Variants in SMYD2 observed in about 807,000 individuals in gnomAD.
The protein encoded by SMYD2 is N-lysine methyltransferase SMYD2.
A neutral mutation model predicts 59.1 loss-of-function variants in SMYD2; 53 were observed. The observed-to-expected ratio is 0.90, with a 90% CI of 0.72 to 1.13. SMYD2 has a LOEUF of 1.13. Among genes scored for constraint, SMYD2 ranks in the 50% most tolerant of loss-of-function variants. The pLI, the probability that SMYD2 is intolerant of heterozygous loss-of-function variation, is 0.00. For missense variants in SMYD2, 494 were observed against 544.7 expected, an observed-to-expected ratio of 0.91 and a Z score of 0.93; for synonymous variants, 208 against 198.8, an observed-to-expected ratio of 1.05 and a Z score of -0.39.
chr1:214,322,080 G>A (rs1053352884), intron 5 of SMYD2, among the ~76,000 whole-genome samples: 2 of 152,140 alleles, frequency 1.3e-5, no homozygotes, highest in African/African-American at 4.8e-5. Context: ...GACTGAAAAA[G>A]CAGAGAAACA....
chr1:214,320,978 A>C (rs1571930900), intron 5 of SMYD2, among the ~76,000 whole-genome samples: 1 of 152,336 alleles, frequency 6.6e-6, no homozygotes, highest in East Asian at 1.9e-4. Flanking sequence ...TTTCTGGATT[A>C]GTTTATATAT....
rs73092317 is a variant in SMYD2 at position 214,318,366 on chromosome 1, A to G, written c.409+227A>G. 0.031 allele frequency among the ~76,000 whole-genome samples: 4,663 copies of G among 152,234 alleles called. 253 individuals are homozygous for G. The highest frequency in any genetic ancestry group is 0.11 in the African/African-American group (4,426 of 41,516). On this transcript the variant is annotated intron_variant, in intron 4 of 11. Coordinates refer to ENST00000366957, the MANE Select transcript of SMYD2 (RefSeq NM_020197.3). The surrounding 1 kb of genome is among the most constrained non-coding windows in gnomAD (Gnocchi z 5.4). ...AATTAAAGGAGGTAGGAGCTCCCAA[A>G]ATGAATTATTGCACCCTGAGCTACC...
chr1:214,327,675 G>T lies in SMYD2; in HGVS notation c.656G>T (p.Gly219Val). ...CCCAATGTCATTGTGACCTACAAAGGGACCCTGGCAGAAGTCAGAGCTGTA... is the reference window on the plus strand; with the variant it reads ...CCCAATGTCATTGTGACCTACAAAGTGACCCTGGCAGAAGTCAGAGCTGTA... Reference protein sequence around the residue: ...CCPNVIVTYKGTLAEVRAVQE... With the variant: ...CCPNVIVTYKVTLAEVRAVQE... Residue 219 changes from glycine to valine, a missense_variant, in exon 7 of 12, where the codon GGG becomes GTG. Gly to Val is a moderately radical substitution (Grantham distance 109, BLOSUM62 -3). Transcript: ENST00000366957. 6.2e-7 allele frequency: 1 copy of T among 1,614,140 alleles called. No homozygotes were observed.
In SMYD2 at chr1:214,288,487, G is replaced by A. The variant is rs182236431; in HGVS notation, c.173+7060G>A. On this transcript the variant is annotated intron_variant, in intron 1 of 11. Coordinates refer to ENST00000366957, the MANE Select transcript of SMYD2 (RefSeq NM_020197.3). ...CCCCTTTGGCCTGAACCTACTGTGT[G>A]GTTCACCCAGGGACTTCACCCTACA... Among the ~76,000 whole-genome samples, 184 of 152,280 alleles carry A rather than the reference G, an allele frequency of 1.2e-3. 4 individuals carry two copies. In the South Asian group the frequency reaches 0.035, roughly 29 times the overall value.
chr1:214,284,820 CAT>C (rs1449670406), intron 1 of SMYD2, among the ~76,000 whole-genome samples: 3 of 152,152 alleles, frequency 2.0e-5, no homozygotes, highest in African/African-American at 7.2e-5. Flanking sequence ...CTGGCCTAGA[CAT>C]ATTTTAACCC....
chr1:214,288,966 T>TC (rs1426837346), intron 1 of SMYD2, among the ~76,000 whole-genome samples: 1 of 130,702 alleles, frequency 7.7e-6, no homozygotes, highest in Non-Finnish European at 1.6e-5. Context: ...CTTAAGCAAA[T>TC]CCATTCTTCA....
At chr1:214,327,818 ATG>A in intron 7 of SMYD2, 94 bp downstream of exon 7, 1 of 1,080,020 alleles carries the variant, frequency 9.3e-7, no homozygotes, top group Non-Finnish European at 1.4e-6. Context: ...ACTTGACAGT[ATG>A]AGTTGTGAAT....
rs959188329 is a variant in SMYD2 at position 214,312,226 on chromosome 1, T to A, written c.238-2536T>A. Among the ~76,000 whole-genome samples the A allele has an allele frequency of 1.3e-5, 2 of 152,196 alleles. No homozygotes were observed. Among genetic ancestry groups the A allele is most frequent in the Non-Finnish European group, 2.9e-5 (2 of 68,040 alleles). On this transcript the variant is annotated intron_variant, in intron 2 of 11. Transcript: ENST00000366957. The surrounding 1 kb of genome is among the most constrained non-coding windows in gnomAD (Gnocchi z 4.1). ...TGAGCTAAGGGGCTGCACCATAGAC[T>A]GCATTAAATCATTAAGTGACATTAT...
chr1:214,321,257 T>TAC (rs918688166), intron 5 of SMYD2, among the ~76,000 whole-genome samples: 19 of 152,096 alleles, frequency 1.2e-4, no homozygotes, highest in African/African-American at 3.9e-4. Flanking sequence ...TATATATATA[T>TAC]ACACACACAT....
chr1:214,330,842 TG>T, intron 8 of SMYD2, 107 bp from the exon 9 acceptor site: 1 of 1,494,462 alleles, frequency 6.7e-7, no homozygotes, highest in Non-Finnish European at 9.1e-7. Context: ...AACCTTGGAA[TG>T]GGCCAGTGTC....
intron 10 of SMYD2, chr1:214,332,394 AG>A (rs1657370850): frequency 1.7e-6 from 1 of 573,900 alleles, no homozygotes; most frequent in Admixed American, 3.4e-5. Context: ...AGACAGGTTG[AG>A]GTTATGCAGC....
intron 3 of SMYD2, among the ~76,000 whole-genome samples, chr1:214,315,524 CTG>C (rs1241919641): frequency 6.6e-6 from 1 of 152,186 alleles, no homozygotes; most frequent in Non-Finnish European, 1.5e-5. Flanking sequence ...TCTGACTATT[CTG>C]TGGTGGGCAG....
In SMYD2 at chr1:214,314,775, C is replaced by G; in HGVS notation, c.251C>G (p.Pro84Arg). The stretch of plus-strand genomic sequence containing the variant: ...CAATCTTCCCAGAAAGAAGATTGGC[C>G]CATGCACAAGCTGGAATGTTCTCCC... ...CNVECQKEDW[P>R]MHKLECSPMV... Residue 84 changes from proline to arginine, a missense_variant, in exon 3 of 12, where the codon CCC becomes CGC. Coordinates refer to ENST00000366957, the MANE Select transcript of SMYD2 (RefSeq NM_020197.3). 6.2e-7 allele frequency: 1 copy of G among 1,613,696 alleles called. No individual in the cohort carries two copies. Among genetic ancestry groups the G allele is most frequent in the Non-Finnish European group, 8.5e-7 (1 of 1,179,744 alleles).
Position 214,318,775 on chromosome 1 carries a change from C to T in SMYD2, c.410-84C>T. The T allele has an allele frequency of 6.7e-7, 1 of 1,495,350 alleles. No homozygotes were observed. Among genetic ancestry groups the T allele is most frequent in the Middle Eastern group, 1.8e-4 (1 of 5,644 alleles). The allele number at this position is 1,495,350 out of a possible 1,614,324, so 92.6% of individuals were successfully genotyped here. On this transcript the variant is annotated intron_variant, in intron 4 of 11. Coordinates refer to ENST00000366957, the MANE Select transcript of SMYD2 (RefSeq NM_020197.3). This position sits in a 1 kb window ranked among gnomAD's most constrained non-coding sequence, Gnocchi z 5.4. ...TTTTTTTTTTTCGCCCGTTCCTTTC[C>T]TCTGTATCATTTACAGCAAAAATAG...
At position 214,324,759 on chromosome 1, in the gene SMYD2, T is replaced by C. The variant is rs116409809; in HGVS notation, c.602+51T>C. The C allele has an allele frequency of 2.0e-3, 3,053 of 1,526,908 alleles. 51 individuals are homozygous for C. In the African/African-American group the frequency reaches 0.036, roughly 18 times the overall value. 94.6% of individuals were successfully genotyped at this position (1,526,908 alleles called of 1,614,324 possible). A position where few individuals can be genotyped will look rare whatever the true frequency, so the allele number is the denominator to read the frequency against. ...TTCCTTTTTACTTACTTAACACTAA[T>C]TTGATTTTTTTTTCATTTTTAAATA... On this transcript the variant is annotated intron_variant, in intron 6 of 11. Transcript: ENST00000366957.
intron 2 of SMYD2, among the ~76,000 whole-genome samples, chr1:214,308,064 C>G (rs1656942776): frequency 6.6e-6 from 1 of 152,192 alleles, no homozygotes. Context: ...ATGGAGTTTC[C>G]CCTGCTGCTC....
intron 3 of SMYD2, among the ~76,000 whole-genome samples, 167 bp downstream of exon 3, chr1:214,315,039 CTAGT>C (rs1394844840): frequency 1.3e-5 from 2 of 152,200 alleles, no homozygotes; most frequent in East Asian, 3.8e-4. Context: ...CAGGCATAAT[CTAGT>C]TAGTTGTGTG....
At chr1:214,299,175 A>G (rs1409422993) in intron 1 of SMYD2, among the ~76,000 whole-genome samples, 1 of 152,210 alleles carries the variant, frequency 6.6e-6, no homozygotes, top group Non-Finnish European at 1.5e-5. Flanking sequence ...AAATTAAAAA[A>G]TAACAGATGC....
At chr1:214,336,617 C>A in intron 11 of SMYD2, 87 bp from the exon 12 acceptor site, 2 of 1,190,462 alleles carry the variant, frequency 1.7e-6, no homozygotes, top group Non-Finnish European at 2.4e-6. Context: ...TGCCTTAAAG[C>A]AGAGAGATCC....
Sources: gnomAD v4.1 joint callset for allele counts (sites outside exome capture counted in the v4.1 genomes callset) on GRCh38, gnomAD v4.1.1 for gene constraint, Gnocchi (gnomAD v3.1) non-coding constraint, MANE v1.5 for transcripts, NCBI Gene and HGNC (gene_info 2026-07-23, HGNC 2026-07-21) for gene names.